The following RBFOX1 variants were observed in gnomAD, a reference collection of about 807,000 sequenced individuals.
RBFOX1 encodes the protein RNA binding protein fox-1 homolog 1.
In RBFOX1, 8 loss-of-function variants were observed where a neutral mutation model predicts 57.7. The ratio of observed to expected loss-of-function variants is 0.14; its 90% CI spans 0.08 to 0.25. The LOEUF is 0.25. Among genes scored for constraint, RBFOX1 ranks in the 10% least tolerant of loss-of-function variants. The pLI is 1.00. For missense variants in RBFOX1, 611 were observed against 548.5 expected, an observed-to-expected ratio of 1.11 and a Z score of -1.14; for synonymous variants, 326 against 222.4, an observed-to-expected ratio of 1.47 and a Z score of -4.15.
chr16:6,086,626 G>C (rs1274479207), intron 1 of RBFOX1, among the ~76,000 whole-genome samples: 1 of 152,106 alleles, frequency 6.6e-6, no homozygotes, highest in Non-Finnish European at 1.5e-5. Flanking sequence ...CTTGGTTGGG[G>C]TTCATTATAT....
chr16:7,270,594 G>C (rs2095294356), intron 4 of RBFOX1, among the ~76,000 whole-genome samples: 1 of 152,178 alleles, frequency 6.6e-6, no homozygotes, highest in African/African-American at 2.4e-5. Flanking sequence ...ATTCCTATGA[G>C]ATAAAAGAAA....
At chr16:7,467,233 C>G (rs183855137) in intron 4 of RBFOX1, among the ~76,000 whole-genome samples, 7 of 152,114 alleles carry the variant, frequency 4.6e-5, no homozygotes, top group Admixed American at 4.6e-4. Flanking sequence ...GGAGAACTTT[C>G]CAATGAGTCT....
intron 4 of RBFOX1, among the ~76,000 whole-genome samples, chr16:7,215,186 G>A (rs1249285655): frequency 6.6e-6 from 1 of 152,160 alleles, no homozygotes; most frequent in African/African-American, 2.4e-5. Context: ...GTGTTAGTTT[G>A]CTGAGGATGA....
intron 4 of RBFOX1, among the ~76,000 whole-genome samples, chr16:5,967,031 C>G (rs966439223): frequency 2.7e-5 from 4 of 147,712 alleles, no homozygotes; most frequent in Non-Finnish European, 4.5e-5. Flanking sequence ...CAGGTGCCAC[C>G]TGTTTTTGTA....
At chr16:6,865,312 T>A (rs2059735499) in intron 3 of RBFOX1, among the ~76,000 whole-genome samples, 1 of 152,032 alleles carries the variant, frequency 6.6e-6, no homozygotes, top group Non-Finnish European at 1.5e-5. Flanking sequence ...CTGGAGTGGG[T>A]TTTTTAAGTA....
At chr16:7,236,341 C>T (rs912544493) in intron 4 of RBFOX1, among the ~76,000 whole-genome samples, 4 of 152,100 alleles carry the variant, frequency 2.6e-5, no homozygotes, top group African/African-American at 9.7e-5. Flanking sequence ...ATCATGTATG[C>T]AAAAAGTAGA....
intron 4 of RBFOX1, among the ~76,000 whole-genome samples, chr16:7,447,592 C>G (rs2098818997): frequency 6.6e-6 from 1 of 152,128 alleles, no homozygotes; most frequent in South Asian, 2.1e-4. Context: ...CCAGTTGAAA[C>G]TTTGCAGTAA....
intron 3 of RBFOX1, among the ~76,000 whole-genome samples, chr16:5,798,514 G>T (rs1399549690): frequency 1.3e-5 from 2 of 152,154 alleles, no homozygotes; most frequent in Admixed American, 1.3e-4. Context: ...AAACAACCTG[G>T]CAAGTGGTAG....
chr16:6,211,185 C>CCATGAGACAGAGGGTTTTCTTA (rs1426493154), intron 1 of RBFOX1, among the ~76,000 whole-genome samples: 1 of 123,218 alleles, frequency 8.1e-6, no homozygotes. Flanking sequence ...GTGTTTTCTT[C>CCATGAGACAGAGGGTTTTCTTA]TTCTTTTTTT....
rs1407375388 is a variant in RBFOX1 at position 5,677,844 on chromosome 16, A to C, written c.318+78883A>C. Among the ~76,000 whole-genome samples, 5 of 152,180 alleles carry C rather than the reference A, an allele frequency of 3.3e-5. No individual in the cohort carries two copies. The East Asian group carries it at 9.6e-4, about 29-fold the overall frequency. On this transcript the variant is annotated intron_variant, in intron 3 of 19. Coordinates refer to the RBFOX1 transcript ENST00000641259. ...TGGAGGAACGTGTAAAAGTCTTATG[A>C]AGATGGATTATGGGTATGAGGGGTG...
intron 3 of RBFOX1, among the ~76,000 whole-genome samples, chr16:6,707,076 C>A (rs1424514065): frequency 6.6e-6 from 1 of 152,162 alleles, no homozygotes; most frequent in African/African-American, 2.4e-5. Flanking sequence ...TTGGTATAAT[C>A]TCTTTCCAGA....
intron 2 of RBFOX1, among the ~76,000 whole-genome samples, chr16:6,502,194 A>G (rs984852861): frequency 7.9e-5 from 12 of 152,256 alleles, no homozygotes; most frequent in South Asian, 2.1e-4. Flanking sequence ...TGCTTCTGTT[A>G]TATCTTTCTC....
chr16:7,432,349 A>C (rs1417517504), intron 4 of RBFOX1, among the ~76,000 whole-genome samples: 1 of 152,138 alleles, frequency 6.6e-6, no homozygotes, highest in Non-Finnish European at 1.5e-5. Context: ...CTGCTACCCC[A>C]CTCATCTTTA....
chr16:6,723,314 G>A (rs1291431020), intron 3 of RBFOX1, among the ~76,000 whole-genome samples: 1 of 152,186 alleles, frequency 6.6e-6, no homozygotes, highest in Non-Finnish European at 1.5e-5. Context: ...CTGTATCAGA[G>A]TGGTCGTGAG....
intron 4 of RBFOX1, among the ~76,000 whole-genome samples, chr16:7,480,367 G>C (rs967674550): frequency 6.6e-5 from 10 of 152,184 alleles, no homozygotes; most frequent in African/African-American, 2.4e-4. Flanking sequence ...TTACTGTTTA[G>C]AGGGTTAAGA....
chr16:5,934,833 G>A (rs2059135979), intron 4 of RBFOX1, among the ~76,000 whole-genome samples: 1 of 152,210 alleles, frequency 6.6e-6, no homozygotes, highest in South Asian at 2.1e-4. Flanking sequence ...GAAAGAGCAG[G>A]GCAGGGGACC....
At chr16:6,688,459 C>T (rs999395971) in intron 3 of RBFOX1, among the ~76,000 whole-genome samples, 17 of 152,080 alleles carry the variant, frequency 1.1e-4, no homozygotes, top group African/African-American at 3.9e-4. Flanking sequence ...TTTATTTAGA[C>T]CCCTTGGCAA....
rs115395660 is a variant in RBFOX1, at chr16:5,895,462, G to A, written c.351+28127G>A. 7.0e-3 allele frequency among the ~76,000 whole-genome samples: 1,059 copies of A among 152,330 alleles called. 8 individuals are homozygous for A. The highest frequency in any genetic ancestry group is 0.024 in the African/African-American group (1,006 of 41,570). On this transcript the variant is annotated intron_variant, in intron 4 of 19. Coordinates refer to the RBFOX1 transcript ENST00000641259. ...GCCAACCTCTGTGTCACTGACTGAA[G>A]AAGAAAACGTACGTGATTGAAATAC...
At chr16:7,183,437 T>C (rs1333758103) in intron 4 of RBFOX1, among the ~76,000 whole-genome samples, 1 of 152,226 alleles carries the variant, frequency 6.6e-6, no homozygotes, top group Non-Finnish European at 1.5e-5. Flanking sequence ...AACGAAAGTG[T>C]TTTATTTCTC....
Sources: allele counts gnomAD v4.1 joint callset (sites outside exome capture counted in the v4.1 genomes callset), GRCh38; gene constraint gnomAD v4.1.1; transcripts MANE v1.5; gene names NCBI Gene and HGNC (gene_info 2026-07-23, HGNC 2026-07-21).